UBR1: variants seen among roughly 807,000 people sequenced by gnomAD.
UBR1 encodes the protein E3 ubiquitin-protein ligase UBR1.
Under a neutral mutation model 242.1 loss-of-function variants are expected in UBR1, and 102 were observed. The ratio of observed to expected loss-of-function variants is 0.42; its 90% confidence interval spans 0.36 to 0.50. UBR1 has a LOEUF of 0.50. UBR1 is among the 20% of genes least tolerant of loss of function. The pLI is 0.01. For missense variants in UBR1, 1,772 were observed against 2,101.8 expected (o/e 0.84, Z 3.07); for synonymous variants, 675 against 684.8 (o/e 0.99, Z 0.22).
intron 12 of UBR1, among the ~76,000 whole-genome samples, chr15:43,053,578 T>C (rs1162082340): frequency 6.6e-6 from 1 of 152,146 alleles, no homozygotes; most frequent in African/African-American, 2.4e-5. Flanking sequence ...AGATAAAATA[T>C]AATAATTTAC....
At chr15:42,979,209 C>CTTTTTTTTTTTTTTTTT (rs533735378) in intron 37 of UBR1, among the ~76,000 whole-genome samples, 1 of 138,500 alleles carries the variant, frequency 7.2e-6, no homozygotes. Context: ...TTCTTTTTTT[C>CTTTTTTTTTTTTTTTTT]TTTTTTTTTT....
chr15:43,081,522 T>C (rs565215289), intron 3 of UBR1, among the ~76,000 whole-genome samples: 1 of 152,016 alleles, frequency 6.6e-6, no homozygotes, highest in Non-Finnish European at 1.5e-5. Context: ...AATAGGTATA[T>C]AGTAACATCT....
At chr15:43,095,810 G>A (rs894356066) in intron 1 of UBR1, among the ~76,000 whole-genome samples, 1 of 152,184 alleles carries the variant, frequency 6.6e-6, no homozygotes, top group Admixed American at 6.5e-5. Context: ...AGGGAACTCC[G>A]AGGTAACCCT....
intron 8 of UBR1, 91 bp downstream of exon 8, chr15:43,059,606 AAAAAC>A (rs2033658910): frequency 1.1e-5 from 16 of 1,420,124 alleles, no homozygotes; most frequent in Middle Eastern, 2.3e-4. Context: ...AAAAAAAAAG[AAAAAC>A]TTTATTTCAT....
chr15:43,020,019 G>T (rs1209976126), intron 27 of UBR1, among the ~76,000 whole-genome samples: 4 of 151,932 alleles, frequency 2.6e-5, no homozygotes, highest in Admixed American at 1.3e-4. Flanking sequence ...AATAGCTCAA[G>T]CACCAAATCC....
chr15:43,029,379 T>C (rs1167701581), intron 21 of UBR1, among the ~76,000 whole-genome samples: 1 of 152,184 alleles, frequency 6.6e-6, no homozygotes, highest in Admixed American at 6.5e-5. Context: ...CCTCAACTGC[T>C]GTGCTCTGGT....
At position 43,070,930 on chromosome 15, in the gene UBR1, A is replaced by T. The variant is rs112019760; in HGVS notation, c.529-5T>A. 26 of 1,612,642 alleles carry T rather than the reference A, an allele frequency of 1.6e-5. No homozygotes were observed. The African/African-American group carries it at 2.9e-4, about 18-fold the overall frequency. ...ATTCAACGGACAGCGTGAATTCTATAAAAAAGCCGAGAAAAACATACTAGT... is the reference window on the plus strand; with the variant it reads ...ATTCAACGGACAGCGTGAATTCTATTAAAAAGCCGAGAAAAACATACTAGT... On this transcript the variant is annotated splice_region_variant and splice_polypyrimidine_tract_variant and intron_variant, in intron 4 of 46. Coordinates refer to ENST00000290650, the MANE Select transcript of UBR1 (RefSeq NM_174916.3).
At chr15:43,062,276 G>GGT (rs2033697818) in intron 6 of UBR1, among the ~76,000 whole-genome samples, 2 of 151,854 alleles carry the variant, frequency 1.3e-5, no homozygotes, top group African/African-American at 4.8e-5. Flanking sequence ...AACAAAATAT[G>GGT]GTGTGTGTGT....
chr15:43,076,238 T>C (rs553134696), intron 3 of UBR1, among the ~76,000 whole-genome samples: 230 of 150,310 alleles, frequency 1.5e-3, no homozygotes, highest in Middle Eastern at 6.8e-3. Context: ...AGCCTCGGCC[T>C]CCCGAGGCGC....
chr15:43,077,410 G>GGGC (rs1450431406), intron 3 of UBR1, among the ~76,000 whole-genome samples: 3 of 151,868 alleles, frequency 2.0e-5, no homozygotes, highest in African/African-American at 7.3e-5. Flanking sequence ...AATGGATTAA[G>GGGC]GGTGCGAGAT....
At chr15:42,983,776 A>T in intron 37 of UBR1, 121 bp downstream of exon 37, 2 of 491,724 alleles carry the variant, frequency 4.1e-6, no homozygotes, top group South Asian at 6.7e-5. Flanking sequence ...AAATTTCATT[A>T]GTGAGTGCTC....
In UBR1 at chr15:42,976,802, T is replaced by C. The variant is rs1179708673; in HGVS notation, c.4284A>G (p.Ser1428=). Residue 1428 remains serine, a synonymous_variant, in exon 39 of 47, where the codon TCA becomes TCG. Transcript: ENST00000290650. ...WDDPVDLQPS[S]VSSSYNHLYL... ...AAAGGTGGTTATAGGAAGAACTAAC[T>C]GAAGAAGGCTGCAGATCAACAGGGT... 3.1e-6 allele frequency: 5 copies of C among 1,614,056 alleles called. No individual in the cohort carries two copies. Among genetic ancestry groups the C allele is most frequent in the Non-Finnish European group, 4.2e-6 (5 of 1,180,002 alleles).
At chr15:42,984,083 GT>G (rs2073344752) in intron 36 of UBR1, 90 bp from the exon 37 acceptor site, 1 of 917,090 alleles carries the variant, frequency 1.1e-6, no homozygotes, top group South Asian at 1.6e-5. Flanking sequence ...ACCAACTCTA[GT>G]TTGTCGGAAT....
At chr15:43,083,555 T>A (rs984151902) in intron 2 of UBR1, among the ~76,000 whole-genome samples, 2 of 151,818 alleles carry the variant, frequency 1.3e-5, no homozygotes, top group African/African-American at 4.8e-5. Context: ...TAATTATTTG[T>A]ATTTTTAGCA....
chr15:43,012,863 T>C (rs945548288), intron 29 of UBR1, among the ~76,000 whole-genome samples: 2 of 152,356 alleles, frequency 1.3e-5, no homozygotes, highest in African/African-American at 4.8e-5. Flanking sequence ...ATAGGATGTA[T>C]TGTGCCTACT....
chr15:43,044,751 C>G (rs1191720824), intron 14 of UBR1, among the ~76,000 whole-genome samples: 3 of 152,002 alleles, frequency 2.0e-5, no homozygotes, highest in African/African-American at 7.2e-5. Flanking sequence ...ACAAATTAGC[C>G]GGGTGTGGTG....
chr15:42,989,840 A>AAT (rs1357367975), intron 34 of UBR1, among the ~76,000 whole-genome samples, 190 bp downstream of exon 34: 59 of 152,296 alleles, frequency 3.9e-4, no homozygotes, highest in Admixed American at 3.7e-3. Context: ...AGTTCACCTT[A>AAT]ATATATATTA....
intron 14 of UBR1, among the ~76,000 whole-genome samples, chr15:43,045,181 A>G (rs957859309): frequency 3.9e-5 from 6 of 152,182 alleles, no homozygotes; most frequent in African/African-American, 1.2e-4. Flanking sequence ...GTTTGAGGCC[A>G]GGTGTGGTGG....
intron 15 of UBR1, among the ~76,000 whole-genome samples, chr15:43,038,988 T>A: frequency 6.6e-6 from 1 of 151,646 alleles, no homozygotes; most frequent in Admixed American, 6.5e-5. Flanking sequence ...TTAACAAAAA[T>A]TTTTATTTTT....
Sources: gnomAD v4.1 joint callset for allele counts (sites outside exome capture counted in the v4.1 genomes callset) on GRCh38, gnomAD v4.1.1 for gene constraint, MANE v1.5 for transcripts, NCBI Gene and HGNC (gene_info 2026-07-23, HGNC 2026-07-21) for gene names.